Variants in PCDH11X observed in about 807,000 individuals in gnomAD.
PCDH11X encodes the protein protocadherin 11 X-linked.
In PCDH11X, 18 loss-of-function variants were observed where a neutral mutation model predicts 53.3. The observed-to-expected ratio is 0.34, with a 90% CI of 0.23 to 0.50. The LOEUF is 0.50. PCDH11X is among the 20% of genes least tolerant of loss of function. The probability of loss-of-function intolerance (pLI) is 0.98; values close to 1 mark genes in which losing one functional copy is unlikely to be tolerated. For missense variants in PCDH11X, 570 were observed against 1,032.4 expected, an observed-to-expected ratio of 0.55 and a Z score of 6.14; for synonymous variants, 279 against 393.3, an observed-to-expected ratio of 0.71 and a Z score of 3.44.
chrX:92,213,259 G>A (rs17320928), intron 7 of PCDH11X, among the ~76,000 whole-genome samples: 18,559 of 111,361 alleles, frequency 0.17, 1,316 homozygotes, highest in Admixed American at 0.29. Context: ...ACCTTTAGCC[G>A]TTTGAGTACT....
At chrX:92,006,807 C>A (rs900697712) in intron 6 of PCDH11X, among the ~76,000 whole-genome samples, 1 of 111,286 alleles carries the variant, frequency 9.0e-6, no homozygotes, top group Non-Finnish European at 1.9e-5. Context: ...GCAGTATCTT[C>A]TTTAGGGGGC....
intron 10 of PCDH11X, among the ~76,000 whole-genome samples, chrX:92,512,553 A>G (rs1264848978): frequency 8.9e-6 from 1 of 111,852 alleles, no homozygotes; most frequent in East Asian, 2.8e-4. Context: ...GGAAATTACT[A>G]GAAGGATACT....
chrX:91,892,557 A>G (rs1203430788), intron 6 of PCDH11X, among the ~76,000 whole-genome samples: 2 of 110,155 alleles, frequency 1.8e-5, no homozygotes, highest in African/African-American at 6.6e-5. Context: ...CATGGCATGC[A>G]CTTTGATGCC....
intron 6 of PCDH11X, among the ~76,000 whole-genome samples, chrX:92,098,442 T>C: frequency 9.0e-6 from 1 of 111,075 alleles, no homozygotes; most frequent in East Asian, 2.8e-4. Flanking sequence ...TAAATAAACA[T>C]ACGGTTGGTC....
intron 4 of PCDH11X, among the ~76,000 whole-genome samples, chrX:91,825,592 A>G (rs1402447764): frequency 9.0e-6 from 1 of 110,916 alleles, no homozygotes; most frequent in Non-Finnish European, 1.9e-5. Flanking sequence ...CCCTAGTGAG[A>G]TGAACCCAGT....
At chrX:92,172,451 A>G (rs1334974447) in intron 6 of PCDH11X, among the ~76,000 whole-genome samples, 5 of 109,332 alleles carry the variant, frequency 4.6e-5, no homozygotes, top group Non-Finnish European at 9.5e-5. Context: ...GTGCAGTGGC[A>G]AAATCATAGT....
chrX:92,339,780 A>C (rs2148513862), intron 8 of PCDH11X, among the ~76,000 whole-genome samples: 1 of 108,608 alleles, frequency 9.2e-6, no homozygotes, highest in African/African-American at 3.4e-5. Context: ...ATACAACATA[A>C]GATTTGGGTG....
rs915674375 is a variant in PCDH11X at position 92,118,315 on chromosome X, G to GA, written c.3034-83053dup. On this transcript the variant is annotated intron_variant, in intron 6 of 10. Coordinates refer to ENST00000682573, the MANE Select transcript of PCDH11X (RefSeq NM_032968.5). ...TAAAGGCAGCAAAGTAAGACATCAG[G>GA]AAAAAAAGATGCAACTAACATGTAA... Among the ~76,000 whole-genome samples the GA allele has an allele frequency of 3.7e-5, 4 of 107,773 alleles. No homozygotes were observed. The East Asian group carries it at 1.2e-3, about 31-fold the overall frequency. 93.6% of individuals were successfully genotyped at this position (107,773 alleles called of 115,157 possible).
At chrX:91,828,409 T>C (rs1047963720) in intron 4 of PCDH11X, among the ~76,000 whole-genome samples, 2 of 111,702 alleles carry the variant, frequency 1.8e-5, no homozygotes, top group Admixed American at 9.5e-5. Context: ...TTTTCTACTC[T>C]AAGTGTATCA....
chrX:91,781,574 A>G (rs1935145067), intron 1 of PCDH11X, among the ~76,000 whole-genome samples: 1 of 112,506 alleles, frequency 8.9e-6, no homozygotes, highest in Admixed American at 9.3e-5. Context: ...TTCCACTTTT[A>G]ATCTTGTTTG....
chrX:91,820,988 T>C (rs1164288840), intron 4 of PCDH11X, among the ~76,000 whole-genome samples: 3 of 108,497 alleles, frequency 2.8e-5, no homozygotes, highest in Non-Finnish European at 3.8e-5. Flanking sequence ...GTCGTAGATA[T>C]GCGGCGTTAT....
chrX:92,417,604 C>T (rs920480697), intron 9 of PCDH11X, among the ~76,000 whole-genome samples: 44 of 111,039 alleles, frequency 4.0e-4, no homozygotes, highest in Non-Finnish European at 7.2e-4. Context: ...TTCAGGGAGT[C>T]CTAATACACA....
rs765818974 is a variant in PCDH11X, at chrX:92,297,730, T to C, written c.3144+34587T>C. Among the ~76,000 whole-genome samples the C allele has an allele frequency of 5.4e-5, 6 of 111,558 alleles. No individual in the cohort carries two copies. The East Asian group carries it at 1.4e-3, about 26-fold the overall frequency. On this transcript the variant is annotated intron_variant, in intron 8 of 10. Transcript: ENST00000682573. ...AATAGTATTGAGTCTGTAAATTGCT[T>C]TGGGCACTATGTTTGTTTTAACAAT... is the stretch of plus-strand genomic sequence containing the variant.
At chrX:92,216,561 C>A (rs1366682845) in intron 7 of PCDH11X, among the ~76,000 whole-genome samples, 1 of 105,329 alleles carries the variant, frequency 9.5e-6, no homozygotes, top group East Asian at 3.0e-4. Flanking sequence ...GTGAAAAGAC[C>A]AAATCTACGT....
intron 6 of PCDH11X, among the ~76,000 whole-genome samples, chrX:91,924,139 T>G (rs112792749): frequency 0.014 from 1,506 of 109,219 alleles, 39 homozygotes; most frequent in African/African-American, 0.048. Context: ...ATGCCTTAGA[T>G]AGGAAAGGAC....
chrX:92,179,952 C>T (rs979716460), intron 6 of PCDH11X, among the ~76,000 whole-genome samples: 2 of 111,559 alleles, frequency 1.8e-5, no homozygotes, highest in Non-Finnish European at 3.8e-5. Flanking sequence ...GATTTACTTT[C>T]TTCAGTTGGT....
intron 6 of PCDH11X, among the ~76,000 whole-genome samples, chrX:91,997,439 A>C (rs1357763574): frequency 3.6e-5 from 4 of 111,225 alleles, no homozygotes; most frequent in African/African-American, 1.3e-4. Context: ...AAGTATGTTG[A>C]ATTTTATCAA....
intron 6 of PCDH11X, among the ~76,000 whole-genome samples, chrX:91,913,251 G>A (rs2524604): frequency 2.8e-3 from 316 of 111,424 alleles, no homozygotes; most frequent in Admixed American, 4.6e-3. Context: ...AAGCAAGTGC[G>A]GGAGTACAGG....
At chrX:92,547,564 C>G (rs1452974230) in intron 10 of PCDH11X, among the ~76,000 whole-genome samples, 1 of 109,257 alleles carries the variant, frequency 9.2e-6, no homozygotes, top group Non-Finnish European at 1.9e-5. Context: ...CTTTTCTTAC[C>G]TCCTTAACAT....
Sources: allele counts gnomAD v4.1 joint callset (sites outside exome capture counted in the v4.1 genomes callset), GRCh38; gene constraint gnomAD v4.1.1; transcripts MANE v1.5; gene names NCBI Gene and HGNC (gene_info 2026-07-23, HGNC 2026-07-21).